Variants in CTR9 observed in about 807,000 individuals in gnomAD.
CTR9 encodes the protein CTR9 component of Paf1/RNA polymerase II complex.
Under a neutral mutation model 152.1 loss-of-function variants are expected in CTR9, and 41 were observed. The observed-to-expected ratio is 0.27, with a 90% CI of 0.21 to 0.35. The LOEUF is 0.35. Ranked by LOEUF, CTR9 falls within the 10% of genes least tolerant of loss-of-function variation. The pLI is 1.00. For synonymous variants in CTR9, 476 were observed against 496.2 expected (o/e 0.96, Z 0.54); for missense variants, 917 against 1,424.4 (o/e 0.64, Z 5.73).
In CTR9 at chr11:10,764,177, A is replaced by G; in HGVS notation, c.1260A>G (p.Gln420=). 1 of 1,614,186 alleles carries G rather than the reference A, an allele frequency of 6.2e-7. No individual in the cohort carries two copies. The highest frequency in any genetic ancestry group is 8.5e-7 in the Non-Finnish European group (1 of 1,180,002). Residue 420 remains glutamine (Q), a synonymous_variant, in exon 10 of 25, where the codon CAA becomes CAG. Transcript: ENST00000361367. ...DDVEAWIELA[Q]ILEQTDIQGA... ...TTGAAGCTTGGATTGAATTGGCACA[A>G]ATCTTAGAACAGACTGATATACAGG...
chr11:10,769,417 CAA>C (rs1863108305), intron 16 of CTR9, among the ~76,000 whole-genome samples: 1 of 152,004 alleles, frequency 6.6e-6, no homozygotes, highest in South Asian at 2.1e-4. Context: ...AAAAAGTAGA[CAA>C]AAAGAGCAGT....
rs1376630757 is a variant in CTR9 at position 10,774,914 on chromosome 11, G to T, written c.2886-293G>T. Among the ~76,000 whole-genome samples, 4 of 152,108 alleles carry T rather than the reference G, an allele frequency of 2.6e-5. No homozygotes were observed. In the South Asian group the frequency reaches 6.2e-4, roughly 24 times the overall value. ...GAAAGACGTTGAAGTCTGGAGCCTG[G>T]GTCTTTTCTCATCTTCTCTGTCACT... On this transcript the variant is annotated intron_variant, in intron 22 of 24. Transcript: ENST00000361367.
rs1465556721 is a variant in CTR9, at chr11:10,753,375, G to C, written c.144+605G>C. Among the ~76,000 whole-genome samples the C allele has an allele frequency of 3.3e-5, 5 of 152,060 alleles. No homozygotes were observed. The South Asian group carries it at 8.3e-4, about 25-fold the overall frequency. On this transcript the variant is annotated intron_variant, in intron 2 of 24. Coordinates refer to ENST00000361367, the MANE Select transcript of CTR9 (RefSeq NM_014633.5). ...TGATGTTTTCTTTTTATAGGAATAG[G>C]TAATATAAATGTTACAGTCATTATT...
chr11:10,774,405 T>C (rs1863197421), intron 22 of CTR9: 1 of 336,936 alleles, frequency 3.0e-6, no homozygotes, highest in South Asian at 7.5e-5. Context: ...TTAGTCATAA[T>C]TGCCTTTCTT....
At chr11:10,757,087 C>A (rs545735214) in intron 5 of CTR9, among the ~76,000 whole-genome samples, 1 of 152,184 alleles carries the variant, frequency 6.6e-6, no homozygotes, top group South Asian at 2.1e-4. Flanking sequence ...GAGTTTGAGA[C>A]CAGCCTGGGC....
Position 10,758,677 on chromosome 11 carries a change from A to G in CTR9, c.593-1496A>G, listed in dbSNP as rs969631046. ...GCCTTGAGAAGAATGTGGCTATACA[A>G]CCTGAGTCACGTGGCATGCAGTTGC... On this transcript the variant is annotated intron_variant, in intron 5 of 24. Transcript: ENST00000361367. Among the ~76,000 whole-genome samples the G allele has an allele frequency of 5.3e-5, 8 of 152,310 alleles. No individual in the cohort carries two copies. The South Asian group carries it at 1.5e-3, about 28-fold the overall frequency.
chr11:10,778,566 A>G, intron 24 of CTR9, 113 bp from the exon 25 acceptor site: 1 of 926,078 alleles, frequency 1.1e-6, no homozygotes, highest in Non-Finnish European at 1.6e-6. Flanking sequence ...ACCACTATTT[A>G]GGTCAAGAAA....
chr11:10,756,604 AAC>A (rs1862888205), intron 4 of CTR9, 143 bp from the exon 5 acceptor site: 2 of 544,206 alleles, frequency 3.7e-6, no homozygotes, highest in Non-Finnish European at 6.3e-6. Context: ...TTTTATGAAA[AAC>A]AAATTTTTAA....
chr11:10,770,399 T>C lies in CTR9; in HGVS notation c.2226+73T>C, dbSNP rs900277415. The stretch of plus-strand genomic sequence containing the variant: ...TTTTTTAATTCTTCGTGATGCGTGT[T>C]CACATACCTACTACTTAATAATACT... On this transcript the variant is annotated intron_variant, in intron 17 of 24. Transcript: ENST00000361367. 3.2e-6 allele frequency: 5 copies of C among 1,574,018 alleles called. No homozygotes were observed. The Admixed American group carries it at 5.1e-5, about 16-fold the overall frequency.
chr11:10,775,791 A>G (rs922279076), intron 24 of CTR9, among the ~76,000 whole-genome samples, 158 bp downstream of exon 24: 2 of 152,224 alleles, frequency 1.3e-5, no homozygotes, highest in African/African-American at 4.8e-5. Context: ...GAGGAAATAG[A>G]TAACTGGGAG....
chr11:10,770,714 G>A (rs983385811), intron 18 of CTR9, 82 bp downstream of exon 18: 71 of 1,308,156 alleles, frequency 5.4e-5, no homozygotes, highest in Non-Finnish European at 6.9e-5. Flanking sequence ...GATTTTGTCT[G>A]AAATGCTTTG....
chr11:10,771,751 C>G (rs1040581993), intron 19 of CTR9, 135 bp downstream of exon 19: 1 of 604,854 alleles, frequency 1.7e-6, no homozygotes, highest in African/African-American at 1.9e-5. Context: ...TGGGGACTCT[C>G]TAATCTTTGC....
rs1863087968 is a variant in CTR9 at position 10,768,153 on chromosome 11, A to G, written c.1952A>G (p.Asn651Ser). The G allele has an allele frequency of 4.3e-6, 7 of 1,613,284 alleles. No individual in the cohort carries two copies. Among genetic ancestry groups the G allele is most frequent in the African/African-American group, 1.3e-5 (1 of 74,922 alleles). Residue 651 changes from asparagine to serine, a missense_variant, in exon 15 of 25, where the codon AAT becomes AGT. Asn to Ser is a conservative substitution (Grantham distance 46). Transcript: ENST00000361367. The part of the protein sequence containing the change: ...RNDAKNLYAA[N>S]GIGAVLAHKG... ...GATGCAAAGAATCTGTATGCTGCCAATGGCATAGGTGATTATAAGACTTGA... is the reference window on the plus strand; with the variant it reads ...GATGCAAAGAATCTGTATGCTGCCAGTGGCATAGGTGATTATAAGACTTGA...
intron 5 of CTR9, among the ~76,000 whole-genome samples, chr11:10,757,100 C>T (rs559611262): frequency 3.9e-5 from 6 of 152,108 alleles, no homozygotes; most frequent in South Asian, 2.1e-4. Flanking sequence ...GCCTGGGCAA[C>T]GTAGTAAGAC....
At chr11:10,759,433 T>C (rs1862940725) in intron 5 of CTR9, among the ~76,000 whole-genome samples, 1 of 152,096 alleles carries the variant, frequency 6.6e-6, no homozygotes, top group Non-Finnish European at 1.5e-5. Context: ...ACTGGAATGG[T>C]GGGGTGAGAG....
chr11:10,754,522 A>G (rs1413274362), intron 2 of CTR9, among the ~76,000 whole-genome samples: 1 of 152,204 alleles, frequency 6.6e-6, no homozygotes, highest in Non-Finnish European at 1.5e-5. Flanking sequence ...ATCAAGATTA[A>G]TGAATACATT....
In CTR9 at chr11:10,755,670, C is replaced by T. The variant is rs1360013124; in HGVS notation, c.385-8C>T. The T allele has an allele frequency of 6.4e-7, 1 of 1,571,898 alleles. No individual in the cohort carries two copies. Among genetic ancestry groups the T allele is most frequent in the Non-Finnish European group, 8.8e-7 (1 of 1,142,724 alleles). The stretch of plus-strand genomic sequence containing the variant: ...GGGTAAAATCTAAGATAATACATTA[C>T]TTCATAGAACCATTTGTTGGGAAGA... On this transcript the variant is annotated splice_region_variant and splice_polypyrimidine_tract_variant and intron_variant, in intron 3 of 24. Transcript: ENST00000361367.
At chr11:10,763,030 T>C (rs560905658) in intron 7 of CTR9, among the ~76,000 whole-genome samples, 42 of 151,530 alleles carry the variant, frequency 2.8e-4, no homozygotes, top group African/African-American at 9.7e-4. Context: ...AAGTGCGCTT[T>C]ATGTATTTAC....
At chr11:10,755,457 T>C (rs560905757) in intron 3 of CTR9, among the ~76,000 whole-genome samples, 3 of 152,358 alleles carry the variant, frequency 2.0e-5, no homozygotes, top group African/African-American at 7.2e-5. Flanking sequence ...TTTTAAGGAA[T>C]TTAAATTTTT....
Sources: allele counts gnomAD v4.1 joint callset (sites outside exome capture counted in the v4.1 genomes callset), GRCh38; gene constraint gnomAD v4.1.1; transcripts MANE v1.5; gene names NCBI Gene and HGNC (gene_info 2026-07-23, HGNC 2026-07-21).